The following NEDD9 variants were observed in gnomAD, a reference collection of about 807,000 sequenced individuals.
The protein encoded by NEDD9 is enhancer of filamentation 1.
In NEDD9, 26 loss-of-function variants were observed where a neutral mutation model predicts 76.6. The observed-to-expected ratio is 0.34, with a 90% CI of 0.25 to 0.47. NEDD9 has a LOEUF of 0.47. Ranked by LOEUF, NEDD9 falls within the 20% of genes least tolerant of loss-of-function variation. The pLI is 1.00. For synonymous variants in NEDD9, 392 were observed against 414.2 expected, an observed-to-expected ratio of 0.95 and a Z score of 0.65; for missense variants, 937 against 1,058.5, an observed-to-expected ratio of 0.89 and a Z score of 1.59.
chr6:11,269,031 A>G (rs1182073934), intron 3 of NEDD9, among the ~76,000 whole-genome samples: 2 of 152,212 alleles, frequency 1.3e-5, no homozygotes, highest in African/African-American at 2.4e-5. Flanking sequence ...TAAAACATTT[A>G]ACAAAAAACC....
intron 1 of NEDD9, among the ~76,000 whole-genome samples, chr6:11,357,950 T>C (rs1762609125): frequency 6.6e-6 from 1 of 152,134 alleles, no homozygotes; most frequent in Admixed American, 6.5e-5. Context: ...GAGGCAGCCA[T>C]TCAACTAAAG....
At chr6:11,236,363 G>A (rs142023489), upstream of NEDD9, among the ~76,000 whole-genome samples, 126 of 152,282 alleles carry the variant, frequency 8.3e-4, no homozygotes, top group African/African-American at 2.9e-3. This position sits in a 1 kb window ranked among gnomAD's most constrained non-coding sequence, Gnocchi z 5.5. Context: ...GAGGGAAATG[G>A]CACCGGATGC....
intron 3 of NEDD9, among the ~76,000 whole-genome samples, chr6:11,285,801 A>G (rs1228223870): frequency 6.6e-6 from 1 of 152,214 alleles, no homozygotes; most frequent in African/African-American, 2.4e-5. Context: ...ACACTTGGAT[A>G]TCAGTATTCA....
chr6:11,298,345 GA>G (rs930658149), intron 3 of NEDD9, among the ~76,000 whole-genome samples: 78 of 152,104 alleles, frequency 5.1e-4, no homozygotes, highest in African/African-American at 1.6e-3. Context: ...AATAATGGGG[GA>G]AAAAATCACC....
intron 3 of NEDD9, among the ~76,000 whole-genome samples, chr6:11,271,111 C>T (rs1246461479): frequency 6.6e-6 from 1 of 152,196 alleles, no homozygotes; most frequent in Non-Finnish European, 1.5e-5. Context: ...ATAGCTCACT[C>T]CAGCCTCCAT....
chr6:11,329,734 G>A (rs1761994552), intron 2 of NEDD9, among the ~76,000 whole-genome samples: 1 of 152,064 alleles, frequency 6.6e-6, no homozygotes, highest in Admixed American at 6.6e-5. Flanking sequence ...AATGTCTCGA[G>A]ATGTTTTTTG....
In NEDD9 at chr6:11,318,928, G is replaced by T. The variant is rs144751043; in HGVS notation, c.-152-12773C>A. ...AACAGGAGAGGTGAGAATTTGTCCA[G>T]TTTATACCTAATTCATTTCTGCCAT... is the stretch of plus-strand genomic sequence containing the variant. On this transcript the variant is annotated intron_variant, in intron 2 of 3. Transcript: ENST00000397378. 3.6e-3 allele frequency among the ~76,000 whole-genome samples: 551 copies of T among 152,336 alleles called. 6 individuals are homozygous for T. Among genetic ancestry groups the T allele is most frequent in the African/African-American group, 0.011 (452 of 41,574 alleles).
chr6:11,204,719 CAAAAAAA>C (rs58621043), intron 2 of NEDD9, among the ~76,000 whole-genome samples: 1 of 65,386 alleles, frequency 1.5e-5, no homozygotes, highest in Non-Finnish European at 2.7e-5. Context: ...GGGTCCGTCT[CAAAAAAA>C]AAAAAAAAAA....
chr6:11,293,101 C>CAG lies in NEDD9; in HGVS notation c.12+12890_12+12891insCT, dbSNP rs1480148250. ...ACTTGTAGTTTGTAATCATTCACTG[C>CAG]CAATGAACTATTTGCTGTAAAAAGG... On this transcript the variant is annotated intron_variant, in intron 3 of 3. Transcript: ENST00000397378. Among the ~76,000 whole-genome samples, 22 of 152,186 alleles carry CAG rather than the reference C, an allele frequency of 1.4e-4. 2 individuals carry two copies. The highest frequency in any genetic ancestry group is 4.8e-4 in the African/African-American group (20 of 41,518).
chr6:11,301,119 C>A (rs1761034792), intron 3 of NEDD9, among the ~76,000 whole-genome samples: 1 of 152,074 alleles, frequency 6.6e-6, no homozygotes, highest in African/African-American at 2.4e-5. Context: ...ATTCAGGAGA[C>A]CCATTTCATG....
intron 3 of NEDD9, among the ~76,000 whole-genome samples, chr6:11,275,086 C>T (rs1760389209): frequency 6.6e-6 from 1 of 152,176 alleles, no homozygotes; most frequent in South Asian, 2.1e-4. Flanking sequence ...GCCATCTTGG[C>T]ATTTGTGACA....
At chr6:11,283,356 T>C (rs1404737149) in intron 3 of NEDD9, among the ~76,000 whole-genome samples, 2 of 152,260 alleles carry the variant, frequency 1.3e-5, no homozygotes, top group South Asian at 2.1e-4. Context: ...TGTTCACTAC[T>C]GTGTCCCCTG....
intron 3 of NEDD9, among the ~76,000 whole-genome samples, chr6:11,255,565 C>T (rs1254956827): frequency 1.3e-5 from 2 of 151,930 alleles, no homozygotes; most frequent in Non-Finnish European, 2.9e-5. Flanking sequence ...TGTGTGAAGG[C>T]CCCGTGGCAG....
chr6:11,296,164 C>T (rs769891586), intron 3 of NEDD9, among the ~76,000 whole-genome samples: 17 of 152,108 alleles, frequency 1.1e-4, no homozygotes, highest in Non-Finnish European at 2.2e-4. Flanking sequence ...GAGAAATCAA[C>T]CCTGCAGACA....
intron 1 of NEDD9, among the ~76,000 whole-genome samples, chr6:11,357,398 G>A (rs1762597941): frequency 6.6e-6 from 1 of 152,154 alleles, no homozygotes; most frequent in Admixed American, 6.5e-5. Flanking sequence ...TCTGAGAAAT[G>A]TTTCTTGGAC....
chr6:11,189,207 A>C (rs1245370784), intron 5 of NEDD9, among the ~76,000 whole-genome samples: 1 of 152,178 alleles, frequency 6.6e-6, no homozygotes, highest in African/African-American at 2.4e-5. Context: ...AGCCTCCCAA[A>C]GTGCTGGGAT....
intron 3 of NEDD9, among the ~76,000 whole-genome samples, chr6:11,290,416 T>C (rs1041632798): frequency 1.5e-4 from 23 of 152,180 alleles, no homozygotes; most frequent in African/African-American, 5.6e-4. Context: ...TGGGGTATTC[T>C]GTTTCTATTT....
upstream of NEDD9, among the ~76,000 whole-genome samples, chr6:11,236,871 T>C (rs900753338): frequency 3.3e-5 from 5 of 152,314 alleles, no homozygotes; most frequent in East Asian, 9.6e-4. The surrounding 1 kb of genome is among the most constrained non-coding windows in gnomAD (Gnocchi z 5.5). Flanking sequence ...CACTTTGGCA[T>C]GGACCACCAT....
chr6:11,269,643 A>G (rs1760263862), intron 3 of NEDD9, among the ~76,000 whole-genome samples: 1 of 152,116 alleles, frequency 6.6e-6, no homozygotes, highest in South Asian at 2.1e-4. Flanking sequence ...AAATAGATAT[A>G]TGTAGTTTCT....
Sources: allele counts gnomAD v4.1 joint callset (sites outside exome capture counted in the v4.1 genomes callset), GRCh38; gene constraint gnomAD v4.1.1; non-coding constraint Gnocchi (gnomAD v3.1); transcripts MANE v1.5; gene names NCBI Gene and HGNC (gene_info 2026-07-23, HGNC 2026-07-21).